The following KIAA1549L variants were observed in gnomAD, a reference collection of about 807,000 sequenced individuals.
KIAA1549L encodes UPF0606 protein KIAA1549L.
KIAA1549L carries 88 observed loss-of-function variants against 160.7 expected under a neutral mutation model. The ratio of observed to expected loss-of-function variants is 0.55; its 90% CI spans 0.46 to 0.65. The LOEUF (loss-of-function observed/expected upper bound fraction) is 0.65. Among genes scored for constraint, KIAA1549L ranks in the 30% least tolerant of loss-of-function variants. KIAA1549L has a pLI of 0.00. For missense variants in KIAA1549L, 2,258 were observed against 2,437.5 expected, an observed-to-expected ratio of 0.93 and a Z score of 1.55; for synonymous variants, 950 against 976.7, an observed-to-expected ratio of 0.97 and a Z score of 0.51.
intron 6 of KIAA1549L, among the ~76,000 whole-genome samples, chr11:33,556,760 G>A (rs983818342): frequency 5.3e-5 from 8 of 152,142 alleles, no homozygotes; most frequent in African/African-American, 1.9e-4. Context: ...CAGAGTTTCT[G>A]TTTGGGATGA....
chr11:33,609,777 AC>A lies in KIAA1549L; in HGVS notation c.5091del (p.Asp1697GlufsTer30). The A allele has an allele frequency of 1.2e-6, 2 of 1,611,234 alleles. No homozygotes were observed. The highest frequency in any genetic ancestry group is 1.7e-6 in the Non-Finnish European group (2 of 1,178,706). ...EVNKALKQKS[D>X]IEHYRNKLRL... The stretch of plus-strand genomic sequence containing the variant: ...AACAAAGCCCTGAAGCAGAAGTCAG[AC>A]ATCGAGCACTATCGGAACAAGCTGC... On this transcript the variant is annotated frameshift_variant, in exon 15 of 21. Coordinates refer to ENST00000658780, the MANE Select transcript of KIAA1549L (RefSeq NM_012194.3). LOFTEE classifies it high-confidence loss of function.
intron 1 of KIAA1549L, among the ~76,000 whole-genome samples, chr11:33,384,139 C>T (rs983492435): frequency 1.3e-5 from 2 of 152,196 alleles, no homozygotes; most frequent in African/African-American, 4.8e-5. Context: ...ATCCACTCCC[C>T]CAACACACCC....
At chr11:33,446,882 A>G (rs1851623394) in intron 1 of KIAA1549L, among the ~76,000 whole-genome samples, 1 of 149,872 alleles carries the variant, frequency 6.7e-6, no homozygotes, top group African/African-American at 2.5e-5. Context: ...GCCAGACACC[A>G]TCACTTCTGC....
At chr11:33,431,829 G>A (rs1851251152) in intron 1 of KIAA1549L, among the ~76,000 whole-genome samples, 1 of 152,228 alleles carries the variant, frequency 6.6e-6, no homozygotes, top group African/African-American at 2.4e-5. Context: ...GGCTGCACAG[G>A]AACCCAGGGA....
At position 33,498,901 on chromosome 11, in the gene KIAA1549L, G is replaced by A. The variant is rs540379105; in HGVS notation, c.239-42901G>A. ...CTCTGGTCCCTAGATTTCTTCTTACGTTAGCCAGTGATGGTGATGGGGTGG... is the reference window on the plus strand; with the variant it reads ...CTCTGGTCCCTAGATTTCTTCTTACATTAGCCAGTGATGGTGATGGGGTGG... On this transcript the variant is annotated intron_variant, in intron 1 of 20. Coordinates refer to ENST00000658780, the MANE Select transcript of KIAA1549L (RefSeq NM_012194.3). Among the ~76,000 whole-genome samples, 19 of 152,294 alleles carry A rather than the reference G, an allele frequency of 1.2e-4. No individual in the cohort carries two copies. The East Asian group carries it at 2.3e-3, about 19-fold the overall frequency.
At chr11:33,549,361 T>C (rs1354036571) in intron 4 of KIAA1549L, among the ~76,000 whole-genome samples, 1 of 152,210 alleles carries the variant, frequency 6.6e-6, no homozygotes, top group Non-Finnish European at 1.5e-5. Flanking sequence ...TCCCTTTGTT[T>C]GTTTGTTTAT....
At chr11:33,666,655 T>C (rs1852465195) in intron 20 of KIAA1549L, among the ~76,000 whole-genome samples, 1 of 152,254 alleles carries the variant, frequency 6.6e-6, no homozygotes, top group African/African-American at 2.4e-5. Context: ...TTACTTGTCC[T>C]TATTCCTAGA....
chr11:33,521,595 AC>A, intron 1 of KIAA1549L, among the ~76,000 whole-genome samples: 1 of 152,366 alleles, frequency 6.6e-6, no homozygotes, highest in East Asian at 1.9e-4. Flanking sequence ...TTTCATGTAT[AC>A]AGTAAATACT....
At chr11:33,649,115 C>G (rs902533789) in intron 17 of KIAA1549L, among the ~76,000 whole-genome samples, 2 of 152,194 alleles carry the variant, frequency 1.3e-5, no homozygotes, top group African/African-American at 4.8e-5. Flanking sequence ...TGCCTAACTT[C>G]AAATCCCACG....
chr11:33,440,669 C>T (rs958000655), intron 1 of KIAA1549L, among the ~76,000 whole-genome samples: 18 of 152,270 alleles, frequency 1.2e-4, no homozygotes, highest in Admixed American at 1.2e-3. Flanking sequence ...TGTTTTCAAC[C>T]TTTACACAAT....
chr11:33,418,561 C>A (rs1263015170), intron 1 of KIAA1549L, among the ~76,000 whole-genome samples: 1 of 152,214 alleles, frequency 6.6e-6, no homozygotes, highest in Non-Finnish European at 1.5e-5. Context: ...CCCAACGTAA[C>A]AACCTCGCCT....
intron 16 of KIAA1549L, among the ~76,000 whole-genome samples, chr11:33,641,450 C>G (rs1425129114): frequency 2.6e-5 from 4 of 151,396 alleles, no homozygotes; most frequent in African/African-American, 9.7e-5. Context: ...TACATTGATG[C>G]TTTTCATCCT....
intron 1 of KIAA1549L, among the ~76,000 whole-genome samples, chr11:33,415,238 A>T (rs1275472528): frequency 6.6e-6 from 1 of 152,126 alleles, no homozygotes; most frequent in African/African-American, 2.4e-5. Context: ...CCAAATATTG[A>T]TCTAGTGCCC....
intron 10 of KIAA1549L, among the ~76,000 whole-genome samples, chr11:33,575,976 G>A (rs1298548383): frequency 6.6e-6 from 1 of 152,074 alleles, no homozygotes; most frequent in Non-Finnish European, 1.5e-5. Flanking sequence ...GGTCAGCAGT[G>A]TCTAGGATGG....
intron 10 of KIAA1549L, among the ~76,000 whole-genome samples, chr11:33,576,222 G>A (rs1855442796): frequency 6.6e-6 from 1 of 152,102 alleles, no homozygotes; most frequent in South Asian, 2.1e-4. Flanking sequence ...CTGACACCTG[G>A]CTCATGGTCT....
At chr11:33,414,779 T>A (rs1850855594) in intron 1 of KIAA1549L, among the ~76,000 whole-genome samples, 1 of 152,126 alleles carries the variant, frequency 6.6e-6, no homozygotes. Flanking sequence ...ATAAATAATG[T>A]GTTTTTATCA....
intron 10 of KIAA1549L, among the ~76,000 whole-genome samples, chr11:33,578,425 A>G (rs1855526766): frequency 6.6e-6 from 1 of 152,032 alleles, no homozygotes; most frequent in Admixed American, 6.6e-5. Context: ...TCACTCACAA[A>G]TCCATTTCCT....
chr11:33,503,106 C>T (rs1209614732), intron 1 of KIAA1549L, among the ~76,000 whole-genome samples: 1 of 152,188 alleles, frequency 6.6e-6, no homozygotes, highest in East Asian at 1.9e-4. Context: ...TGAAGTCCCC[C>T]TCATGCCACC....
intron 1 of KIAA1549L, among the ~76,000 whole-genome samples, chr11:33,536,834 A>G (rs144754869): frequency 1.3e-5 from 2 of 152,162 alleles, no homozygotes; most frequent in Non-Finnish European, 1.5e-5. Flanking sequence ...CGTCGTCTTG[A>G]GCCTGGACCA....
Sources: gnomAD v4.1 joint callset for allele counts (sites outside exome capture counted in the v4.1 genomes callset) on GRCh38, gnomAD v4.1.1 for gene constraint, MANE v1.5 for transcripts, NCBI Gene and HGNC (gene_info 2026-07-23, HGNC 2026-07-21) for gene names.